SAMD5: variants seen among roughly 807,000 people sequenced by gnomAD.
SAMD5 encodes the protein sterile alpha motif domain-containing protein 5.
In SAMD5, 13 loss-of-function variants were observed where a neutral mutation model predicts 11.3. The observed-to-expected ratio is 1.15, with a 90% CI of 0.75 to 1.83. The LOEUF is 1.83. Among genes scored for constraint, SAMD5 ranks in the 40% most tolerant of loss-of-function variants. The pLI is 0.00. For synonymous variants in SAMD5, 129 were observed against 111.3 expected, an observed-to-expected ratio of 1.16 and a Z score of -1.00; for missense variants, 255 against 239.1, an observed-to-expected ratio of 1.07 and a Z score of -0.44.
At chr6:147,649,835 T>A (rs1790457956) in intron 1 of SAMD5, among the ~76,000 whole-genome samples, 2 of 150,352 alleles carry the variant, frequency 1.3e-5, no homozygotes, top group Non-Finnish European at 3.0e-5. Flanking sequence ...AAAAGCCACC[T>A]GAAACTTTAC....
chr6:147,616,130 A>G (rs904346627), intron 1 of SAMD5, among the ~76,000 whole-genome samples: 1 of 135,532 alleles, frequency 7.4e-6, no homozygotes, highest in Non-Finnish European at 1.6e-5. Context: ...TGATTATTTC[A>G]TTATATATTT....
At chr6:147,903,339 A>G in the SAMD5 span, among the ~76,000 whole-genome samples, 1 of 152,216 alleles carries the variant, frequency 6.6e-6, no homozygotes, top group African/African-American at 2.4e-5. Flanking sequence ...TATGGTAAAG[A>G]TAGAACAAAA....
At chr6:147,876,283 G>A in the SAMD5 span, among the ~76,000 whole-genome samples, 2 of 152,246 alleles carry the variant, frequency 1.3e-5, no homozygotes, top group Non-Finnish European at 2.9e-5. Flanking sequence ...GAGCTCTGCA[G>A]AGTCTCTCTT....
chr6:147,836,124 C>T, the SAMD5 span, among the ~76,000 whole-genome samples: 4 of 152,194 alleles, frequency 2.6e-5, no homozygotes, highest in Non-Finnish European at 5.9e-5. Context: ...CATCCCACCT[C>T]CCAACCCCAG....
the SAMD5 span, among the ~76,000 whole-genome samples, chr6:147,765,333 A>G: frequency 7.9e-5 from 12 of 152,232 alleles, no homozygotes; most frequent in African/African-American, 2.4e-4. Context: ...CTTGTGTTAG[A>G]AAGAATTCTT....
chr6:147,527,575 G>C (rs11155500), intron 1 of SAMD5, among the ~76,000 whole-genome samples: 9,799 of 151,838 alleles, frequency 0.065, 888 homozygotes, highest in African/African-American at 0.21. Context: ...ATATCATTTG[G>C]CCCCTGACCC....
chr6:147,516,484 T>C (rs1370821367), intron 1 of SAMD5, among the ~76,000 whole-genome samples: 1 of 152,180 alleles, frequency 6.6e-6, no homozygotes, highest in East Asian at 1.9e-4. Context: ...AGGGTTGTTA[T>C]GGAGATGAGA....
the SAMD5 span, among the ~76,000 whole-genome samples, chr6:147,783,887 G>A: frequency 6.6e-6 from 1 of 152,220 alleles, no homozygotes; most frequent in East Asian, 1.9e-4. Flanking sequence ...CATCTTAGTG[G>A]ATTAAGAGGT....
At chr6:147,810,125 A>G in the SAMD5 span, among the ~76,000 whole-genome samples, 14 of 152,182 alleles carry the variant, frequency 9.2e-5, no homozygotes, top group Non-Finnish European at 1.5e-4. Context: ...GTTTTTCTAG[A>G]AGACCTTTTA....
In SAMD5 at chr6:147,635,238, C is replaced by G. The variant is rs534893573; in HGVS notation, c.163-102079C>G. ...GTCATCACTGTTGTCACCACCACCACCACCACCACCATCACCATCGTGAAC... is the reference window on the plus strand; with the variant it reads ...GTCATCACTGTTGTCACCACCACCAGCACCACCACCATCACCATCGTGAAC... On this transcript the variant is annotated intron_variant, in intron 1 of 1. Transcript: ENST00000566741. Among the ~76,000 whole-genome samples, 79 of 152,244 alleles carry G rather than the reference C, an allele frequency of 5.2e-4. 1 individual carries two copies. The East Asian group carries it at 0.012, about 23-fold the overall frequency.
the SAMD5 span, among the ~76,000 whole-genome samples, chr6:147,816,297 A>T: frequency 1.2e-3 from 108 of 86,528 alleles, no homozygotes; most frequent in African/African-American, 7.1e-3. Flanking sequence ...AAAAAAAAAA[A>T]AAAAATATAT....
the SAMD5 span, among the ~76,000 whole-genome samples, chr6:147,869,058 C>T: frequency 1.3e-5 from 2 of 152,250 alleles, no homozygotes; most frequent in African/African-American, 4.8e-5. Flanking sequence ...AGGATGTGAC[C>T]ATTTAAGTAA....
Position 147,567,595 on chromosome 6 carries a change from C to G in SAMD5, c.*3139C>G. ...TTAAGAGTTCTATGGCTTACACCCA[C>G]ATACAGTCCTTGGCTCAGTGCTAGG... is the stretch of plus-strand genomic sequence containing the variant. On this transcript the variant is annotated 3_prime_UTR_variant, in exon 2 of 2. Coordinates refer to ENST00000367474, the MANE Select transcript of SAMD5 (RefSeq NM_001030060.3). 1.1e-6 allele frequency: 1 copy of G among 942,890 alleles called. No homozygotes were observed. Among genetic ancestry groups the G allele is most frequent in the Non-Finnish European group, 1.3e-6 (1 of 791,696 alleles). 58.4% of individuals were successfully genotyped at this position (942,890 alleles called of 1,614,324 possible). A position where few individuals can be genotyped will look rare whatever the true frequency, so the allele number is the denominator to read the frequency against.
chr6:147,816,506 C>T, the SAMD5 span, among the ~76,000 whole-genome samples: 1 of 150,996 alleles, frequency 6.6e-6, no homozygotes, highest in Non-Finnish European at 1.5e-5. Flanking sequence ...CTACAGAGTA[C>T]TTATGTAATA....
chr6:147,803,385 G>A, the SAMD5 span, among the ~76,000 whole-genome samples: 2 of 151,970 alleles, frequency 1.3e-5, no homozygotes, highest in Admixed American at 6.6e-5. Context: ...CTCTCACCTG[G>A]ACATCACATT....
At chr6:147,535,355 G>C (rs1471115813) in intron 1 of SAMD5, among the ~76,000 whole-genome samples, 2 of 152,198 alleles carry the variant, frequency 1.3e-5, no homozygotes, top group Non-Finnish European at 2.9e-5. Flanking sequence ...TAAATAACAA[G>C]TCCTAGGATG....
At chr6:147,889,546 T>G in the SAMD5 span, among the ~76,000 whole-genome samples, 2 of 152,230 alleles carry the variant, frequency 1.3e-5, no homozygotes, top group African/African-American at 4.8e-5. Flanking sequence ...CAATTTGAAT[T>G]TTACCTTATT....
downstream of SAMD5, chr6:147,570,065 TG>T (rs1789113529): frequency 1.0e-6 from 1 of 953,142 alleles, no homozygotes; most frequent in Non-Finnish European, 1.2e-6. Context: ...TCTTGATGAA[TG>T]TGATGGAGTT....
At chr6:147,765,154 G>A in the SAMD5 span, among the ~76,000 whole-genome samples, 1 of 152,042 alleles carries the variant, frequency 6.6e-6, no homozygotes, top group African/African-American at 2.4e-5. Flanking sequence ...ATTGTACTGA[G>A]TTTTACAAAA....
Sources: allele counts gnomAD v4.1 joint callset (sites outside exome capture counted in the v4.1 genomes callset), GRCh38; gene constraint gnomAD v4.1.1; transcripts MANE v1.5; gene names NCBI Gene and HGNC (gene_info 2026-07-23, HGNC 2026-07-21).